EPHA5: variants seen among roughly 807,000 people sequenced by gnomAD.
EPHA5 encodes ephrin type-A receptor 5.
In EPHA5, 60 loss-of-function variants were observed where a neutral mutation model predicts 105.0. The observed-to-expected ratio is 0.57, with a 90% CI of 0.46 to 0.71. The LOEUF is 0.71. Among genes scored for constraint, EPHA5 ranks in the 30% least tolerant of loss-of-function variants. EPHA5 has a pLI of 0.00. For missense variants in EPHA5, 1,218 were observed against 1,274.7 expected (o/e 0.96, Z 0.68); for synonymous variants, 513 against 449.1 (o/e 1.14, Z -1.80).
At chr4:65,648,549 A>G (rs1039759529) in intron 1 of EPHA5, among the ~76,000 whole-genome samples, 2 of 152,192 alleles carry the variant, frequency 1.3e-5, no homozygotes, top group Admixed American at 1.3e-4. Context: ...TTTTGCCATT[A>G]TCTTCACATT....
chr4:65,664,579 A>C (rs549550978), intron 1 of EPHA5, among the ~76,000 whole-genome samples: 1 of 151,978 alleles, frequency 6.6e-6, no homozygotes, highest in South Asian at 2.1e-4. Context: ...CCCATTAGGT[A>C]TATAAGTATA....
chr4:65,590,010 G>A (rs1467934236), intron 3 of EPHA5, among the ~76,000 whole-genome samples: 1 of 152,170 alleles, frequency 6.6e-6, no homozygotes, highest in African/African-American at 2.4e-5. Context: ...TTATGCATAT[G>A]GAGTAGTGTA....
intron 5 of EPHA5, among the ~76,000 whole-genome samples, chr4:65,479,907 C>T (rs905769618): frequency 3.3e-5 from 5 of 152,004 alleles, no homozygotes; most frequent in African/African-American, 1.2e-4. Flanking sequence ...AATGGTTGCT[C>T]TTTAGTGTAG....
At chr4:65,332,618 T>TGGTGGGTAGGGGGGGGGG (rs1720741287) in intron 15 of EPHA5, among the ~76,000 whole-genome samples, 1 of 88,726 alleles carries the variant, frequency 1.1e-5, no homozygotes. Context: ...AATGGGGTGG[T>TGGTGGGTAGGGGGGGGGG]GGGGGGTGGG....
chr4:65,486,926 T>C (rs1260971300), intron 5 of EPHA5, among the ~76,000 whole-genome samples: 2 of 152,168 alleles, frequency 1.3e-5, no homozygotes, highest in African/African-American at 2.4e-5. Context: ...GAACAGCATA[T>C]CCTTGGTGCT....
At chr4:65,410,203 A>G (rs570836252) in intron 7 of EPHA5, among the ~76,000 whole-genome samples, 72 of 152,232 alleles carry the variant, frequency 4.7e-4, no homozygotes, top group Non-Finnish European at 2.2e-4. Flanking sequence ...ATTGTGGCAC[A>G]TACATATTAT....
At chr4:65,594,697 T>C (rs1030220539) in intron 3 of EPHA5, among the ~76,000 whole-genome samples, 5 of 152,154 alleles carry the variant, frequency 3.3e-5, no homozygotes, top group Admixed American at 6.5e-5. Context: ...CATCAACATA[T>C]AGCAGAAGAG....
At chr4:65,558,232 T>C (rs1206836372) in intron 3 of EPHA5, among the ~76,000 whole-genome samples, 1 of 152,134 alleles carries the variant, frequency 6.6e-6, no homozygotes, top group Non-Finnish European at 1.5e-5. Context: ...CTCCATTAAG[T>C]GTGTGTAAGT....
At chr4:65,659,618 T>TTAATAAA (rs1749386180) in intron 1 of EPHA5, among the ~76,000 whole-genome samples, 1 of 152,070 alleles carries the variant, frequency 6.6e-6, no homozygotes, top group Non-Finnish European at 1.5e-5. Context: ...GGAAAATAAA[T>TTAATAAA]TAATACATAC....
At chr4:65,616,468 G>A in intron 2 of EPHA5, among the ~76,000 whole-genome samples, 1 of 151,096 alleles carries the variant, frequency 6.6e-6, no homozygotes, top group East Asian at 1.9e-4. Context: ...GAGAGAGAGA[G>A]AGAGAAGAGC....
At chr4:65,560,152 G>C (rs1296392597) in intron 3 of EPHA5, among the ~76,000 whole-genome samples, 1 of 151,974 alleles carries the variant, frequency 6.6e-6, no homozygotes. Context: ...GAATAAAGTT[G>C]ATTATTTCCA....
At chr4:65,662,317 C>A (rs1237127431) in intron 1 of EPHA5, among the ~76,000 whole-genome samples, 1 of 152,084 alleles carries the variant, frequency 6.6e-6, no homozygotes, top group Non-Finnish European at 1.5e-5. Context: ...AATATTTCAA[C>A]CCTCAGGTTT....
At chr4:65,487,835 C>A (rs1481203212) in intron 5 of EPHA5, among the ~76,000 whole-genome samples, 1 of 152,128 alleles carries the variant, frequency 6.6e-6, no homozygotes, top group Non-Finnish European at 1.5e-5. Flanking sequence ...GTATTAAACT[C>A]TTTTTCTGTT....
At chr4:65,447,657 C>G (rs1726679848) in intron 5 of EPHA5, among the ~76,000 whole-genome samples, 1 of 151,878 alleles carries the variant, frequency 6.6e-6, no homozygotes, top group Non-Finnish European at 1.5e-5. Flanking sequence ...CTTGCCAACA[C>G]AGACAGCTTA....
chr4:65,541,965 A>T (rs1037776488), intron 3 of EPHA5, among the ~76,000 whole-genome samples: 1 of 152,078 alleles, frequency 6.6e-6, no homozygotes, highest in Non-Finnish European at 1.5e-5. Context: ...CAACATGGAA[A>T]TTGAACAACC....
chr4:65,539,363 A>G (rs1223618878), intron 3 of EPHA5, among the ~76,000 whole-genome samples: 1 of 151,676 alleles, frequency 6.6e-6, no homozygotes, highest in East Asian at 1.9e-4. Context: ...TTTAAATACA[A>G]TATTTAGGAA....
intron 8 of EPHA5, among the ~76,000 whole-genome samples, chr4:65,368,057 T>G (rs1289041877): frequency 1.3e-5 from 2 of 152,114 alleles, no homozygotes; most frequent in African/African-American, 2.4e-5. Context: ...AAAAAAAATC[T>G]GTCCTCCTAA....
chr4:65,489,616 G>T (rs1431623938), intron 5 of EPHA5, among the ~76,000 whole-genome samples: 1 of 152,142 alleles, frequency 6.6e-6, no homozygotes, highest in Non-Finnish European at 1.5e-5. Flanking sequence ...CCACATAGTG[G>T]GTTGAATTAT....
chr4:65,372,333 A>G (rs1451471203), intron 8 of EPHA5, among the ~76,000 whole-genome samples: 1 of 151,954 alleles, frequency 6.6e-6, no homozygotes, highest in Non-Finnish European at 1.5e-5. Context: ...TAAGTTATTA[A>G]CATATCTAAT....
Sources: gnomAD v4.1 joint callset for allele counts (sites outside exome capture counted in the v4.1 genomes callset) on GRCh38, gnomAD v4.1.1 for gene constraint, MANE v1.5 for transcripts, NCBI Gene and HGNC (gene_info 2026-07-23, HGNC 2026-07-21) for gene names.